The following SHOC2 variants were observed in gnomAD, a reference collection of about 807,000 sequenced individuals.
The protein encoded by SHOC2 is leucine-rich repeat protein SHOC-2.
Under a neutral mutation model 50.2 loss-of-function variants are expected in SHOC2, and 4 were observed. The observed-to-expected ratio is 0.08, with a 90% CI of 0.04 to 0.18. SHOC2 has a LOEUF of 0.18. Among genes scored for constraint, SHOC2 ranks in the 10% least tolerant of loss-of-function variants. The pLI is 1.00. For missense variants in SHOC2, 388 were observed against 669.6 expected (o/e 0.58, Z 4.64); for synonymous variants, 218 against 244.5 (o/e 0.89, Z 1.01).
chr10:110,945,996 C>T (rs1847239241), intron 1 of SHOC2, among the ~76,000 whole-genome samples: 1 of 152,090 alleles, frequency 6.6e-6, no homozygotes, highest in Admixed American at 6.5e-5. Flanking sequence ...TGTCAGTGTT[C>T]ATCTCTTCCT....
At chr10:110,943,904 C>A (rs1418996002) in intron 1 of SHOC2, among the ~76,000 whole-genome samples, 1 of 152,172 alleles carries the variant, frequency 6.6e-6, no homozygotes, top group East Asian at 1.9e-4. Context: ...CTTGGCAACC[C>A]AGAATCTTTC....
At chr10:111,010,531 G>A (rs979309267) in intron 8 of SHOC2, among the ~76,000 whole-genome samples, 5 of 152,080 alleles carry the variant, frequency 3.3e-5, no homozygotes, top group African/African-American at 7.2e-5. Flanking sequence ...GGGGCCTGTC[G>A]TGGGGTAGCG....
chr10:110,993,601 G>T (rs1455980950), intron 3 of SHOC2, among the ~76,000 whole-genome samples: 1 of 151,996 alleles, frequency 6.6e-6, no homozygotes, highest in Non-Finnish European at 1.5e-5. Context: ...AAAGGTGGAG[G>T]TACCTTTTAA....
chr10:110,996,094 T>C (rs577836563), intron 3 of SHOC2, among the ~76,000 whole-genome samples: 50 of 152,344 alleles, frequency 3.3e-4, no homozygotes, highest in Non-Finnish European at 6.6e-4. Flanking sequence ...GAAGAGACTA[T>C]GTCTTGTGTG....
At chr10:110,941,393 G>T (rs191009228) in intron 1 of SHOC2, among the ~76,000 whole-genome samples, 4 of 151,724 alleles carry the variant, frequency 2.6e-5, no homozygotes, top group African/African-American at 4.8e-5. Context: ...GTGTAGTGGC[G>T]CGATCTTGGC....
chr10:110,924,328 C>G (rs906519419), intron 1 of SHOC2, among the ~76,000 whole-genome samples: 5 of 152,268 alleles, frequency 3.3e-5, no homozygotes, highest in Admixed American at 1.3e-4. Flanking sequence ...TATACACTGG[C>G]AAACTCAGAT....
At chr10:110,992,550 A>G (rs1394622914) in intron 3 of SHOC2, among the ~76,000 whole-genome samples, 1 of 152,184 alleles carries the variant, frequency 6.6e-6, no homozygotes, top group African/African-American at 2.4e-5. Context: ...TTCTTCTCAA[A>G]ATGAGATTAG....
intron 1 of SHOC2, among the ~76,000 whole-genome samples, chr10:110,960,323 C>G (rs1034175297): frequency 2.6e-5 from 4 of 152,220 alleles, no homozygotes; most frequent in Non-Finnish European, 5.9e-5. Context: ...AAATCTGGCC[C>G]TTTACAGAAA....
At chr10:110,994,610 C>T (rs1279100110) in intron 3 of SHOC2, among the ~76,000 whole-genome samples, 1 of 152,072 alleles carries the variant, frequency 6.6e-6, no homozygotes, top group Non-Finnish European at 1.5e-5. Flanking sequence ...AAAAATATTT[C>T]TATCATCTGT....
At chr10:110,952,312 T>C (rs1248604928) in intron 1 of SHOC2, among the ~76,000 whole-genome samples, 2 of 152,192 alleles carry the variant, frequency 1.3e-5, no homozygotes, top group Non-Finnish European at 2.9e-5. Context: ...GCCACCACCA[T>C]CTTGCATCAG....
chr10:110,919,412 G>C, upstream of SHOC2: 1 of 392,438 alleles, frequency 2.5e-6, no homozygotes, highest in Non-Finnish European at 4.5e-6. Flanking sequence ...GGCACTGCCC[G>C]TCTCTGATTG....
chr10:110,922,714 A>C (rs1428333741), intron 1 of SHOC2, among the ~76,000 whole-genome samples: 1 of 152,072 alleles, frequency 6.6e-6, no homozygotes, highest in Non-Finnish European at 1.5e-5. Flanking sequence ...TTAACTCACA[A>C]ATCCTTCAGT....
At chr10:110,978,877 A>G (rs1338701265) in intron 2 of SHOC2, among the ~76,000 whole-genome samples, 1 of 152,092 alleles carries the variant, frequency 6.6e-6, no homozygotes, top group East Asian at 1.9e-4. Context: ...TCACCTGCAG[A>G]TTTTTTAGTT....
chr10:110,993,869 A>G (rs1227896305), intron 3 of SHOC2, among the ~76,000 whole-genome samples: 1 of 152,182 alleles, frequency 6.6e-6, no homozygotes, highest in East Asian at 1.9e-4. Context: ...AGTGAGAATA[A>G]AAAACATTTA....
intron 2 of SHOC2, among the ~76,000 whole-genome samples, chr10:110,968,718 C>T (rs1847722858): frequency 6.6e-6 from 1 of 151,968 alleles, no homozygotes; most frequent in Non-Finnish European, 1.5e-5. Flanking sequence ...CAGGAGGATC[C>T]TTGAGCCCAG....
intron 1 of SHOC2, chr10:110,937,189 G>A (rs1402960503): frequency 6.5e-7 from 1 of 1,534,050 alleles, no homozygotes; most frequent in Non-Finnish European, 9.0e-7. Context: ...GGCGGCCCAG[G>A]AGATGGCCTC....
In SHOC2 at chr10:110,964,861, T is replaced by C; in HGVS notation, c.503T>C (p.Leu168Ser). 6.2e-7 allele frequency: 1 copy of C among 1,614,060 alleles called. No individual in the cohort carries two copies. ...AGTTTGCCTGACTCTCTTGATAACT[T>C]GAAGAAGCTGCGGATGCTTGATTTA... ...LTSLPDSLDN[L>S]KKLRMLDLRH... is the part of the protein sequence containing the mutation. Residue 168 changes from leucine (L) to serine (S), a missense_variant, in exon 2 of 9, where the codon TTG becomes TCG. Physicochemically the swap from Leu to Ser is moderately radical, Grantham distance 145. This residue lies in a region of SHOC2 where 88 missense variants were observed against 147.2 expected (regional missense o/e 0.60). Transcript: ENST00000369452. This position sits in a 1 kb window ranked among gnomAD's most constrained non-coding sequence, Gnocchi z 4.9.
At chr10:110,929,526 G>A (rs997337262) in intron 1 of SHOC2, among the ~76,000 whole-genome samples, 13 of 152,076 alleles carry the variant, frequency 8.5e-5, no homozygotes, top group African/African-American at 2.9e-4. Flanking sequence ...TAGACTGGGC[G>A]GCTTAAGCAA....
chr10:110,973,378 C>T (rs772888236), intron 2 of SHOC2, among the ~76,000 whole-genome samples: 2 of 152,072 alleles, frequency 1.3e-5, no homozygotes, highest in Non-Finnish European at 2.9e-5. Flanking sequence ...TCTTTGATTG[C>T]CTACTAGGTA....
Sources: allele counts gnomAD v4.1 joint callset (sites outside exome capture counted in the v4.1 genomes callset), GRCh38; gene constraint gnomAD v4.1.1; regional missense constraint gnomAD v4.1.1; non-coding constraint Gnocchi (gnomAD v3.1); transcripts MANE v1.5; gene names NCBI Gene and HGNC (gene_info 2026-07-23, HGNC 2026-07-21).